ARHGEF38: variants seen among roughly 807,000 people sequenced by gnomAD.
The protein encoded by ARHGEF38 is Rho guanine nucleotide exchange factor 38.
In ARHGEF38, 79 loss-of-function variants were observed where a neutral mutation model predicts 79.9. The observed-to-expected ratio is 0.99, with a 90% CI of 0.82 to 1.19. ARHGEF38 has a LOEUF of 1.19. Among genes scored for constraint, ARHGEF38 ranks in the 50% most tolerant of loss-of-function variants. The pLI, the probability that ARHGEF38 is intolerant of heterozygous loss-of-function variation, is 0.00. For missense variants in ARHGEF38, 962 were observed against 907.2 expected (o/e 1.06, Z -0.78); for synonymous variants, 366 against 328.3 (o/e 1.11, Z -1.24).
intron 1 of ARHGEF38, among the ~76,000 whole-genome samples, chr4:105,557,864 C>A (rs181508390): frequency 6.6e-6 from 1 of 152,004 alleles, no homozygotes; most frequent in Non-Finnish European, 1.5e-5. Flanking sequence ...TTACCTTTAT[C>A]CTCTATGGCC....
downstream of ARHGEF38, among the ~76,000 whole-genome samples, chr4:105,681,680 T>A (rs1340939180): frequency 2.6e-5 from 4 of 152,198 alleles, no homozygotes; most frequent in Non-Finnish European, 5.9e-5. Context: ...ATTATTGCAA[T>A]GCTCGGCTTA....
intron 4 of ARHGEF38, chr4:105,632,773 T>C (rs530401709): frequency 6.6e-6 from 1 of 152,378 alleles, no homozygotes; most frequent in East Asian, 1.9e-4. Context: ...TGGAGGTCCT[T>C]GCCTGAAAAG....
chr4:105,645,213 G>A lies in ARHGEF38; in HGVS notation c.700G>A (p.Gly234Ser). Reference protein sequence around the residue: ...QEGKPNLLDMGSLMIKPIQRV... With the variant: ...QEGKPNLLDMSSLMIKPIQRV... ...AGGCAAACCAAACTTATTGGACATG[G>A]GCTCTTTGATGATCAAACCAATTCA... The change falls in exon 6 of 14, where the codon GGC (glycine) becomes AGC (serine). Residue 234 changes from glycine to serine, a missense_variant. Coordinates refer to ENST00000420470, the MANE Select transcript of ARHGEF38 (RefSeq NM_001242729.2). 6.5e-7 allele frequency: 1 copy of A among 1,527,724 alleles called. No homozygotes were observed. The highest frequency in any genetic ancestry group is 8.7e-7 in the Non-Finnish European group (1 of 1,143,138). The allele number at this position is 1,527,724 out of a possible 1,614,324, so 94.6% of individuals were successfully genotyped here. A position where few individuals can be genotyped will look rare whatever the true frequency, so the allele number is the denominator to read the frequency against.
intron 7 of ARHGEF38, among the ~76,000 whole-genome samples, chr4:105,649,859 T>A (rs1440604742): frequency 6.6e-6 from 1 of 152,172 alleles, no homozygotes; most frequent in East Asian, 1.9e-4. Flanking sequence ...GGGAAGAAAT[T>A]AAGAACAACA....
At chr4:105,561,511 AAT>A (rs1166333682) in intron 1 of ARHGEF38, 1 of 147,808 alleles carries the variant, frequency 6.8e-6, no homozygotes, top group Non-Finnish European at 1.5e-5. Context: ...AATAGAATAG[AAT>A]AGAATAGAAT....
chr4:105,563,583 G>C (rs1725742145), intron 1 of ARHGEF38, among the ~76,000 whole-genome samples: 1 of 152,170 alleles, frequency 6.6e-6, no homozygotes, highest in South Asian at 2.1e-4. Context: ...AATAGCAACT[G>C]GTGAAGTCAG....
intron 1 of ARHGEF38, among the ~76,000 whole-genome samples, chr4:105,562,694 C>G (rs17035796): frequency 0.1 from 15,359 of 152,148 alleles, 790 homozygotes; most frequent in Middle Eastern, 0.17. Flanking sequence ...GCACACCCAG[C>G]CCACTGAGTG....
chr4:105,647,783 C>T (rs1729911968), intron 6 of ARHGEF38, among the ~76,000 whole-genome samples: 1 of 152,000 alleles, frequency 6.6e-6, no homozygotes, highest in Non-Finnish European at 1.5e-5. Context: ...AAGTGAAGCT[C>T]AGAGAGGTTA....
intron 3 of ARHGEF38, among the ~76,000 whole-genome samples, chr4:105,627,759 A>G (rs1578325357): frequency 6.6e-6 from 1 of 152,298 alleles, no homozygotes; most frequent in East Asian, 1.9e-4. Flanking sequence ...TACATTAGAC[A>G]GAGCGGTTGT....
rs1731245727 is a variant in ARHGEF38, at chr4:105,679,734, T to A, written c.*1797T>A. ...TAATTTGTGTTTTTTGTTCCACATG[T>A]CTTAGTTGACCTTTCTCTTGGTTGA... On this transcript the variant is annotated 3_prime_UTR_variant, in exon 14 of 14. Transcript: ENST00000420470. 1.2e-6 allele frequency: 1 copy of A among 827,394 alleles called. No homozygotes were observed. 51.3% of individuals were successfully genotyped at this position (827,394 alleles called of 1,614,324 possible).
At position 105,652,435 on chromosome 4, in the gene ARHGEF38, CA is replaced by C. The variant is rs138519483; in HGVS notation, c.1009-1628del. Among the ~76,000 whole-genome samples the C allele has an allele frequency of 3.5e-3, 533 of 152,118 alleles. 5 individuals carry two copies. The highest frequency in any genetic ancestry group is 0.012 in the African/African-American group (506 of 41,492). On this transcript the variant is annotated intron_variant, in intron 7 of 13. Transcript: ENST00000420470. Reference sequence around the variant, plus strand: ...GGTTATGAGAGCACATAGGAGAGAGCAATTAATTTTCTACAGTGGGAAGAAT... The same window carrying C: ...GGTTATGAGAGCACATAGGAGAGAGCATTAATTTTCTACAGTGGGAAGAAT...
At chr4:105,668,357 T>A (rs1730833743) in intron 13 of ARHGEF38, among the ~76,000 whole-genome samples, 1 of 152,034 alleles carries the variant, frequency 6.6e-6, no homozygotes. Flanking sequence ...AATTTTTGTA[T>A]TTTTAGTAGA....
chr4:105,669,466 G>A (rs1029975608), intron 13 of ARHGEF38, among the ~76,000 whole-genome samples: 1 of 152,116 alleles, frequency 6.6e-6, no homozygotes, highest in African/African-American at 2.4e-5. Context: ...CCAAAGGTAT[G>A]TACATTTAAC....
At chr4:105,654,228 T>G in intron 8 of ARHGEF38, 59 bp downstream of exon 8, 1 of 996,594 alleles carries the variant, frequency 1.0e-6, no homozygotes, top group Non-Finnish European at 1.4e-6. Flanking sequence ...AAACCATTGA[T>G]TTCCATGGTT....
At chr4:105,619,501 T>C (rs964969053) in intron 3 of ARHGEF38, among the ~76,000 whole-genome samples, 1 of 152,134 alleles carries the variant, frequency 6.6e-6, no homozygotes, top group African/African-American at 2.4e-5. Flanking sequence ...TTTGGAGTGA[T>C]TCTTTTTTTT....
chr4:105,627,509 T>A (rs1728996103), intron 3 of ARHGEF38, among the ~76,000 whole-genome samples: 1 of 152,242 alleles, frequency 6.6e-6, no homozygotes, highest in Non-Finnish European at 1.5e-5. Flanking sequence ...TTATTTTTAA[T>A]GAAGATAACT....
chr4:105,670,524 A>C (rs554560037), intron 13 of ARHGEF38, among the ~76,000 whole-genome samples: 22 of 152,190 alleles, frequency 1.4e-4, no homozygotes, highest in Non-Finnish European at 1.9e-4. Flanking sequence ...AGTTCTTTAT[A>C]AACCTGAGTG....
At chr4:105,650,476 G>A (rs888736483) in intron 7 of ARHGEF38, among the ~76,000 whole-genome samples, 31 of 152,278 alleles carry the variant, frequency 2.0e-4, no homozygotes, top group African/African-American at 7.5e-4. Flanking sequence ...AAAGCCCATT[G>A]GAGTTATTTA....
intron 4 of ARHGEF38, chr4:105,632,844 G>T (rs779129370): frequency 5.9e-5 from 9 of 152,276 alleles, no homozygotes; most frequent in African/African-American, 2.2e-4. Flanking sequence ...GGAGCAGTCT[G>T]TTCAGAGAGG....
Sources: allele counts gnomAD v4.1 joint callset (sites outside exome capture counted in the v4.1 genomes callset), GRCh38; gene constraint gnomAD v4.1.1; transcripts MANE v1.5; gene names NCBI Gene and HGNC (gene_info 2026-07-23, HGNC 2026-07-21).